Variants in ADAMTSL1 observed in about 807,000 individuals in gnomAD.
The protein encoded by ADAMTSL1 is ADAMTS-like protein 1.
A neutral mutation model predicts 201.8 loss-of-function variants in ADAMTSL1; 126 were observed. That is an observed-to-expected ratio of 0.62 (90% CI 0.54 to 0.72). The LOEUF is 0.72. Among genes scored for constraint, ADAMTSL1 ranks in the 30% least tolerant of loss-of-function variants. The probability of loss-of-function intolerance (pLI) is 0.00; values close to 1 mark genes in which losing one functional copy is unlikely to be tolerated. For synonymous variants in ADAMTSL1, 1,121 were observed against 903.4 expected, an observed-to-expected ratio of 1.24 and a Z score of -4.32; for missense variants, 2,679 against 2,277.8, an observed-to-expected ratio of 1.18 and a Z score of -3.59.
chr9:18,874,090 G>C (rs1017123791), intron 23 of ADAMTSL1, among the ~76,000 whole-genome samples: 1 of 152,008 alleles, frequency 6.6e-6, no homozygotes, highest in Non-Finnish European at 1.5e-5. Flanking sequence ...TTGATTCTCA[G>C]CTTGGTTGCT....
chr9:18,141,562 G>A (rs777419676), intron 1 of ADAMTSL1, among the ~76,000 whole-genome samples: 51 of 152,304 alleles, frequency 3.3e-4, no homozygotes, highest in Middle Eastern at 3.4e-3. Flanking sequence ...GAGGTGTCTA[G>A]CACCCTACCT....
intron 2 of ADAMTSL1, among the ~76,000 whole-genome samples, chr9:18,220,155 A>T (rs1196715941): frequency 6.6e-6 from 1 of 152,096 alleles, no homozygotes; most frequent in Non-Finnish European, 1.5e-5. Context: ...TCAAATTCGT[A>T]TCTTTACTAA....
chr9:18,244,352 G>A (rs1330388228), intron 2 of ADAMTSL1, among the ~76,000 whole-genome samples: 1 of 151,940 alleles, frequency 6.6e-6, no homozygotes, highest in Non-Finnish European at 1.5e-5. Flanking sequence ...TCTTCTGAAA[G>A]CACAGTTCTG....
intron 2 of ADAMTSL1, among the ~76,000 whole-genome samples, chr9:18,294,481 G>T (rs16936550): frequency 1.3e-5 from 2 of 152,096 alleles, no homozygotes; most frequent in African/African-American, 4.8e-5. Flanking sequence ...TGTTTTCCTG[G>T]GGCTGAGTAC....
At chr9:18,870,957 T>C (rs1445309398) in intron 23 of ADAMTSL1, among the ~76,000 whole-genome samples, 1 of 152,190 alleles carries the variant, frequency 6.6e-6, no homozygotes, top group Non-Finnish European at 1.5e-5. Context: ...ATTTGAAGCA[T>C]TGTTACTCAA....
intron 2 of ADAMTSL1, among the ~76,000 whole-genome samples, chr9:18,435,578 CAG>C (rs1819692928): frequency 6.6e-6 from 1 of 152,170 alleles, no homozygotes; most frequent in South Asian, 2.1e-4. Flanking sequence ...AGGGTTCTGA[CAG>C]AGAGTATTCT....
intron 2 of ADAMTSL1, among the ~76,000 whole-genome samples, chr9:18,437,584 T>C (rs1290591227): frequency 1.3e-5 from 2 of 152,138 alleles, no homozygotes; most frequent in Non-Finnish European, 2.9e-5. Context: ...CTGAATTCTT[T>C]TTGAACTTGC....
At chr9:18,526,063 T>A (rs1241196596) in intron 2 of ADAMTSL1, among the ~76,000 whole-genome samples, 1 of 152,158 alleles carries the variant, frequency 6.6e-6, no homozygotes, top group African/African-American at 2.4e-5. Context: ...CCCATTATTA[T>A]TGTGTGGGAG....
chr9:18,155,534 CT>C (rs1161638508), intron 1 of ADAMTSL1, among the ~76,000 whole-genome samples: 1 of 152,042 alleles, frequency 6.6e-6, no homozygotes, highest in Non-Finnish European at 1.5e-5. Context: ...AATTTGTAAA[CT>C]TTCTTAGAAC....
At chr9:18,720,211 A>G (rs892105060) in intron 14 of ADAMTSL1, among the ~76,000 whole-genome samples, 3 of 152,176 alleles carry the variant, frequency 2.0e-5, no homozygotes, top group African/African-American at 7.2e-5. Flanking sequence ...TATTAAGTCT[A>G]TCAGTCAGTA....
chr9:18,100,614 T>C (rs897066354), intron 1 of ADAMTSL1, among the ~76,000 whole-genome samples: 4 of 152,194 alleles, frequency 2.6e-5, no homozygotes, highest in African/African-American at 9.7e-5. Context: ...CTGGACCTTC[T>C]CTTTACTTCC....
intron 2 of ADAMTSL1, among the ~76,000 whole-genome samples, chr9:18,249,901 T>C (rs965897028): frequency 6.6e-6 from 1 of 152,166 alleles, no homozygotes; most frequent in Admixed American, 6.5e-5. Context: ...AGGGGCAATC[T>C]CTAATGTGTT....
intron 2 of ADAMTSL1, among the ~76,000 whole-genome samples, chr9:18,195,098 G>A (rs151329221): frequency 1.2e-3 from 177 of 152,188 alleles, no homozygotes; most frequent in African/African-American, 3.8e-3. Flanking sequence ...CTGTCATACA[G>A]TAAGCACTCA....
At chr9:18,520,268 A>C (rs889928589) in intron 2 of ADAMTSL1, among the ~76,000 whole-genome samples, 3 of 152,216 alleles carry the variant, frequency 2.0e-5, no homozygotes, top group South Asian at 2.1e-4. Flanking sequence ...ACAACCAGAG[A>C]GGATGTTGTC....
At chr9:18,175,000 A>G (rs559992215) in intron 2 of ADAMTSL1, among the ~76,000 whole-genome samples, 12 of 152,340 alleles carry the variant, frequency 7.9e-5, no homozygotes, top group Admixed American at 4.6e-4. Context: ...GTTTAAACAT[A>G]TAAACGTTTC....
At chr9:18,499,241 G>A (rs902438499) in intron 1 of ADAMTSL1, among the ~76,000 whole-genome samples, 5 of 152,130 alleles carry the variant, frequency 3.3e-5, no homozygotes, top group Admixed American at 2.0e-4. Context: ...ATATCATCTG[G>A]GAAGGCGCAT....
intron 1 of ADAMTSL1, among the ~76,000 whole-genome samples, chr9:18,158,683 T>C (rs976143161): frequency 2.6e-5 from 4 of 152,076 alleles, no homozygotes; most frequent in African/African-American, 7.2e-5. Context: ...TTAGAATCTA[T>C]TTATAAAATT....
At chr9:18,865,197 C>A (rs532996362) in intron 23 of ADAMTSL1, among the ~76,000 whole-genome samples, 10 of 152,108 alleles carry the variant, frequency 6.6e-5, no homozygotes, top group Non-Finnish European at 1.3e-4. Context: ...CCGCTCCCCC[C>A]ACCCCACAAT....
At chr9:18,835,738 C>G (rs202242865) in intron 23 of ADAMTSL1, among the ~76,000 whole-genome samples, 1 of 152,128 alleles carries the variant, frequency 6.6e-6, no homozygotes, top group Admixed American at 6.5e-5. Context: ...GTTCCTGCTT[C>G]TAAGTGAGAA....
Sources: gnomAD v4.1 joint callset for allele counts (sites outside exome capture counted in the v4.1 genomes callset) on GRCh38, gnomAD v4.1.1 for gene constraint, MANE v1.5 for transcripts, NCBI Gene and HGNC (gene_info 2026-07-23, HGNC 2026-07-21) for gene names.